RFX8: variants seen among roughly 807,000 people sequenced by gnomAD.
RFX8 encodes DNA-binding protein RFX8.
In RFX8, 46 loss-of-function variants were observed where a neutral mutation model predicts 54.6. That is an observed-to-expected ratio of 0.84 (90% CI 0.67 to 1.08). The LOEUF (loss-of-function observed/expected upper bound fraction) is 1.08, where lower values mean the gene tolerates loss of function less well. RFX8 is among the 50% of genes least tolerant of loss of function. The pLI is 0.00. For missense variants in RFX8, 536 were observed against 562.3 expected, an observed-to-expected ratio of 0.95 and a Z score of 0.47; for synonymous variants, 192 against 209.5, an observed-to-expected ratio of 0.92 and a Z score of 0.72.
chr2:101,421,874 T>G (rs975943144), intron 3 of RFX8, 97 bp from the exon 4 acceptor site: 9 of 880,072 alleles, frequency 1.0e-5, no homozygotes, highest in Non-Finnish European at 1.2e-5. Flanking sequence ...GCCGCTCTTG[T>G]TGCAATTCTC....
At chr2:101,416,909 A>G (rs1335717417) in intron 6 of RFX8, among the ~76,000 whole-genome samples, 1 of 152,208 alleles carries the variant, frequency 6.6e-6, no homozygotes, top group Non-Finnish European at 1.5e-5. Flanking sequence ...AGAAGGGGAA[A>G]GCATTCTAGA....
chr2:101,438,647 G>C (rs555083358), intron 2 of RFX8, among the ~76,000 whole-genome samples: 23 of 152,316 alleles, frequency 1.5e-4, no homozygotes, highest in African/African-American at 5.5e-4. Context: ...GGTTTAATAA[G>C]AAACTGCCAA....
intron 1 of RFX8, among the ~76,000 whole-genome samples, chr2:101,471,980 C>A (rs768700251): frequency 1.2e-4 from 19 of 152,244 alleles, no homozygotes; most frequent in Admixed American, 2.6e-4. Context: ...CGTTCAGACC[C>A]CTCGCCCTGC....
chr2:101,421,177 A>G (rs1686841943), intron 4 of RFX8: 3 of 881,836 alleles, frequency 3.4e-6, no homozygotes, highest in South Asian at 1.0e-4. Flanking sequence ...AAGCATCAGG[A>G]AAAAAATCTC....
At chr2:101,452,425 C>T (rs763585493) in intron 2 of RFX8, 8 of 1,361,412 alleles carry the variant, frequency 5.9e-6, no homozygotes, top group Non-Finnish European at 7.6e-6. Context: ...GTGCCAAGGT[C>T]CGGAAAAACC....
chr2:101,438,739 G>C (rs1687919886), intron 2 of RFX8, among the ~76,000 whole-genome samples: 1 of 152,172 alleles, frequency 6.6e-6, no homozygotes, highest in Non-Finnish European at 1.5e-5. Flanking sequence ...CTGGCATTGG[G>C]TGCTGTCACT....
At chr2:101,418,822 A>G in intron 5 of RFX8, 29 bp downstream of exon 5, 2 of 1,376,748 alleles carry the variant, frequency 1.5e-6, no homozygotes, top group Non-Finnish European at 2.0e-6. Context: ...TGCAAAGGAT[A>G]TACTCTAGAG....
At chr2:101,433,915 CAT>C (rs1437919633) in intron 2 of RFX8, among the ~76,000 whole-genome samples, 1 of 152,134 alleles carries the variant, frequency 6.6e-6, no homozygotes, top group Non-Finnish European at 1.5e-5. Context: ...AATATTTTTA[CAT>C]ATGTTAAAAT....
intron 8 of RFX8, 147 bp downstream of exon 8, chr2:101,412,768 C>CA: frequency 8.3e-6 from 7 of 846,314 alleles, no homozygotes; most frequent in Non-Finnish European, 1.3e-5. Flanking sequence ...CACCCCACTA[C>CA]AGGAAGAGAA....
At chr2:101,446,736 T>C (rs1392945099) in intron 2 of RFX8, among the ~76,000 whole-genome samples, 1 of 149,996 alleles carries the variant, frequency 6.7e-6, no homozygotes, top group Non-Finnish European at 1.5e-5. Context: ...CCTGCCTAGT[T>C]ACTTGTTTTC....
At chr2:101,435,595 G>C (rs1687736298) in intron 2 of RFX8, among the ~76,000 whole-genome samples, 1 of 152,078 alleles carries the variant, frequency 6.6e-6, no homozygotes, top group Non-Finnish European at 1.5e-5. Flanking sequence ...CCACTCCCCT[G>C]TTCCCCTAGA....
rs1425589331 is a variant in RFX8 at position 101,412,993 on chromosome 2, T to C, written c.640A>G (p.Thr214Ala). Residue 214 changes from threonine (T) to alanine (A), a missense_variant, in exon 8 of 12, where the codon ACT becomes GCT. Physicochemically the swap from Thr to Ala is moderately conservative, Grantham distance 58. Transcript: ENST00000428343. ...AGGGCTTTCTTAGAAGTAGCCAAAG[T>C]GCCTTGATTGATGATGGCCTGTAGA... ...SDLQAIINQGTLATSKKALAS... is the reference protein window; with the variant it reads ...SDLQAIINQGALATSKKALAS... 6.4e-7 allele frequency: 1 copy of C among 1,551,942 alleles called. No individual in the cohort carries two copies. Among genetic ancestry groups the C allele is most frequent in the Non-Finnish European group, 8.7e-7 (1 of 1,147,066 alleles).
rs1244511451 is a variant in RFX8, at chr2:101,466,826, G to A, written c.23C>T (p.Thr8Ile). The A allele has an allele frequency of 1.3e-6, 2 of 1,551,454 alleles. No homozygotes were observed. Among genetic ancestry groups the A allele is most frequent in the Non-Finnish European group, 1.7e-6 (2 of 1,146,902 alleles). Residue 8 changes from threonine to isoleucine, a missense_variant, in exon 2 of 12, where the codon ACC (threonine) becomes ATC (isoleucine). Transcript: ENST00000428343. The stretch of plus-strand genomic sequence containing the variant: ...TTGGTTCTCAGTGTTTTGCCCACAG[G>A]TCTCCACGTAAATCTCATACATGAG... The part of the protein sequence containing the change: MYEIYVE[T>I]CGQNTENQVN...
At chr2:101,421,550 T>G in intron 4 of RFX8, 174 bp downstream of exon 4, 1 of 1,335,426 alleles carries the variant, frequency 7.5e-7, no homozygotes, top group East Asian at 2.9e-5. Context: ...GATCTCACCT[T>G]CCAGAACTCA....
chr2:101,429,872 G>T (rs907297505), intron 2 of RFX8, among the ~76,000 whole-genome samples: 15 of 152,210 alleles, frequency 9.9e-5, no homozygotes, highest in African/African-American at 3.6e-4. Context: ...GTGGGAGTCA[G>T]AGGGGAGGTA....
chr2:101,413,370 G>A (rs1686273384), intron 7 of RFX8, among the ~76,000 whole-genome samples: 1 of 152,162 alleles, frequency 6.6e-6, no homozygotes, highest in Non-Finnish European at 1.5e-5. Flanking sequence ...CTCTAGCGAG[G>A]GATCCCGGGG....
At position 101,428,940 on chromosome 2, in the gene RFX8, TTTGA is replaced by T. The variant is rs750118618; in HGVS notation, c.73-6472_73-6469del. On this transcript the variant is annotated intron_variant, in intron 2 of 11. Coordinates refer to ENST00000428343, the MANE Select transcript of RFX8 (RefSeq NM_001145664.2). ...GTCTGGGTCTGTTATAGTAAATCTG[TTTGA>T]TTAACACTCACTGTTGCTTCTTGTT... is the stretch of plus-strand genomic sequence containing the variant. 3.8e-4 allele frequency: 564 copies of T among 1,487,632 alleles called. 1 individual carries two copies. Among genetic ancestry groups the T allele is most frequent in the Non-Finnish European group, 1.8e-4 (196 of 1,102,832 alleles). The allele number at this position is 1,487,632 out of a possible 1,614,324, so 92.2% of individuals were successfully genotyped here.
At chr2:101,443,516 G>A (rs1484047546) in intron 2 of RFX8, among the ~76,000 whole-genome samples, 1 of 152,130 alleles carries the variant, frequency 6.6e-6, no homozygotes, top group East Asian at 1.9e-4. Context: ...ACAAGGTGGT[G>A]TAGATTCACC....
rs1215994237 is a variant in RFX8 at position 101,397,671 on chromosome 2, G to T, written c.1299C>A (p.Ser433Arg). ...TGAGGGCTTCTTGTCCCATAGGAAG[G>T]CTGAGTTTAACTGCGCTTTCAGTGG... ...DETTESAVKL[S>R]LPMGQEALIT... Residue 433 changes from serine to arginine, a missense_variant, in exon 12 of 12, where the codon AGC becomes AGA. By Grantham distance (110) the Ser-to-Arg change is moderately radical. Coordinates refer to ENST00000428343, the MANE Select transcript of RFX8 (RefSeq NM_001145664.2). 7 of 1,551,278 alleles carry T rather than the reference G, an allele frequency of 4.5e-6. No individual in the cohort carries two copies. The highest frequency in any genetic ancestry group is 6.1e-6 in the Non-Finnish European group (7 of 1,146,782).
Sources: allele counts gnomAD v4.1 joint callset (sites outside exome capture counted in the v4.1 genomes callset), GRCh38; gene constraint gnomAD v4.1.1; transcripts MANE v1.5; gene names NCBI Gene and HGNC (gene_info 2026-07-23, HGNC 2026-07-21).